Variants in FMNL2 observed in about 807,000 individuals in gnomAD.
FMNL2 encodes the protein formin like 2.
In FMNL2, 51 loss-of-function variants were observed where a neutral mutation model predicts 130.2. The ratio of observed to expected loss-of-function variants is 0.39; its 90% CI spans 0.31 to 0.49. The LOEUF is 0.49. FMNL2 is among the 20% of genes least tolerant of loss of function. The probability of loss-of-function intolerance (pLI) is 0.85; values close to 1 mark genes in which losing one functional copy is unlikely to be tolerated. For missense variants in FMNL2, 977 were observed against 1,316.2 expected, an observed-to-expected ratio of 0.74 and a Z score of 3.99; for synonymous variants, 465 against 467.1, an observed-to-expected ratio of 1.00 and a Z score of 0.06.
At chr2:152,605,313 TGTGTGC>T (rs1341382990) in intron 9 of FMNL2, among the ~76,000 whole-genome samples, 1 of 146,728 alleles carries the variant, frequency 6.8e-6, no homozygotes, top group African/African-American at 2.7e-5. Context: ...TGTGCGTGTG[TGTGTGC>T]GTGTGTGTGT....
At chr2:152,548,908 G>A in intron 3 of FMNL2, 113 bp from the exon 4 acceptor site, 1 of 824,596 alleles carries the variant, frequency 1.2e-6, no homozygotes, top group Non-Finnish European at 1.8e-6. Context: ...AGTGAGGGAA[G>A]CCCATTTTAG....
chr2:152,564,602 G>A lies in FMNL2; in HGVS notation c.596+3567G>A, dbSNP rs995347967. Reference sequence around the variant, plus strand: ...ACAAAAACTAGCTGGGTGTGGTGGTGCACACCTGTAATCACAGCTACTTGA... The same window carrying A: ...ACAAAAACTAGCTGGGTGTGGTGGTACACACCTGTAATCACAGCTACTTGA... On this transcript the variant is annotated intron_variant, in intron 6 of 25. Transcript: ENST00000288670. 3.3e-5 allele frequency among the ~76,000 whole-genome samples: 5 copies of A among 151,874 alleles called. No homozygotes were observed. The East Asian group carries it at 9.7e-4, about 29-fold the overall frequency.
rs112353773 is a variant in FMNL2, at chr2:152,486,819, C to T, written c.118-35124C>T. On this transcript the variant is annotated intron_variant, in intron 1 of 25. Transcript: ENST00000288670. ...ATCAGATTCAGAATAAAAAAGCTAT[C>T]GTAACATGCCCTGCATCAGTAGGCC... 1.4e-3 allele frequency among the ~76,000 whole-genome samples: 209 copies of T among 152,274 alleles called. 1 individual carries two copies. The highest frequency in any genetic ancestry group is 4.7e-3 in the African/African-American group (195 of 41,548).
At chr2:152,455,872 AC>A (rs1233369668) in intron 1 of FMNL2, among the ~76,000 whole-genome samples, 1 of 152,092 alleles carries the variant, frequency 6.6e-6, no homozygotes, top group Non-Finnish European at 1.5e-5. Flanking sequence ...GTGCCACCAC[AC>A]TTGGCTTATT....
chr2:152,356,316 G>T (rs1682776850), intron 1 of FMNL2, among the ~76,000 whole-genome samples: 1 of 151,970 alleles, frequency 6.6e-6, no homozygotes, highest in Non-Finnish European at 1.5e-5. Context: ...TGTAGACAGG[G>T]TTTCACCATG....
At chr2:152,509,769 A>C (rs1291320029) in intron 1 of FMNL2, among the ~76,000 whole-genome samples, 1 of 11,722 alleles carries the variant, frequency 8.5e-5, no homozygotes, top group South Asian at 2.5e-3. Context: ...TTTTTGAGAG[A>C]GGGTCTTCCT....
chr2:152,478,244 ATATATATTT>A (rs1690272065), intron 1 of FMNL2, among the ~76,000 whole-genome samples: 5 of 38,524 alleles, frequency 1.3e-4, no homozygotes, highest in South Asian at 2.2e-3. Context: ...ATATATATAT[ATATATATTT>A]TTTTTTTTTT....
chr2:152,503,040 C>T (rs1471890371), intron 1 of FMNL2, among the ~76,000 whole-genome samples: 3 of 152,134 alleles, frequency 2.0e-5, no homozygotes, highest in Non-Finnish European at 4.4e-5. Context: ...GCACTCTCTG[C>T]AGTCTCAGGT....
At chr2:152,559,824 C>G (rs987718626) in intron 5 of FMNL2, among the ~76,000 whole-genome samples, 36 of 152,168 alleles carry the variant, frequency 2.4e-4, no homozygotes, top group Admixed American at 1.9e-3. Flanking sequence ...TTACCCCATT[C>G]TAACTCTTTT....
intron 9 of FMNL2, among the ~76,000 whole-genome samples, chr2:152,597,308 C>A (rs1416929694): frequency 2.0e-5 from 3 of 152,180 alleles, no homozygotes; most frequent in Non-Finnish European, 4.4e-5. Context: ...GTCAGTCATG[C>A]TTTCAAGTAA....
intron 1 of FMNL2, among the ~76,000 whole-genome samples, chr2:152,400,539 G>T (rs1014824329): frequency 6.6e-6 from 1 of 152,200 alleles, no homozygotes; most frequent in African/African-American, 2.4e-5. Context: ...ATTTTAGGGG[G>T]CAGAAGGAAG....
At position 152,649,275 on chromosome 2, in the gene FMNL2, ACTTCT is replaced by A. The variant is rs1174145111; in HGVS notation, c.*1374_*1378del. ...CGGTGCAGTTTTTTATGGTTTTTAC[ACTTCT>A]CTTTAATTCCCACCTAAGCCTCTGG... On this transcript the variant is annotated 3_prime_UTR_variant, in exon 26 of 26. Transcript: ENST00000288670. The A allele has an allele frequency of 6.6e-5, 10 of 152,552 alleles. No homozygotes were observed. Among genetic ancestry groups the A allele is most frequent in the African/African-American group, 2.2e-4 (9 of 41,418 alleles). The allele number at this position is 152,552 out of a possible 1,614,324, so 9.4% of individuals were successfully genotyped here. A position where few individuals can be genotyped will look rare whatever the true frequency, so the allele number is the denominator to read the frequency against.
chr2:152,392,320 C>G (rs6746190), intron 1 of FMNL2, among the ~76,000 whole-genome samples: 14 of 152,130 alleles, frequency 9.2e-5, no homozygotes, highest in African/African-American at 1.7e-4. Context: ...CTCTCCCCCC[C>G]ACTCATCACA....
In FMNL2 at chr2:152,524,332, A is replaced by G. The variant is rs140413754; in HGVS notation, c.201+2306A>G. ...TTGGTCCTTTCCTGACTCATTGCAT[A>G]AATACAAAGATGACCTGAGCTTCTA... is the stretch of plus-strand genomic sequence containing the variant. On this transcript the variant is annotated intron_variant, in intron 2 of 25. Transcript: ENST00000288670. Among the ~76,000 whole-genome samples the G allele has an allele frequency of 4.6e-3, 699 of 152,314 alleles. 7 individuals carry two copies. Among genetic ancestry groups the G allele is most frequent in the African/African-American group, 0.016 (676 of 41,564 alleles).
intron 21 of FMNL2, among the ~76,000 whole-genome samples, chr2:152,635,015 A>G (rs1290911583): frequency 6.6e-6 from 1 of 152,028 alleles, no homozygotes; most frequent in Non-Finnish European, 1.5e-5. Context: ...TGATTCTCAT[A>G]TAAAATCCAT....
At chr2:152,336,921 G>A (rs1681501988) in intron 1 of FMNL2, among the ~76,000 whole-genome samples, 1 of 152,112 alleles carries the variant, frequency 6.6e-6, no homozygotes, top group Admixed American at 6.5e-5. Flanking sequence ...TAGAACTTTG[G>A]CAGAGGACTC....
intron 1 of FMNL2, among the ~76,000 whole-genome samples, chr2:152,380,047 A>T (rs1379528884): frequency 6.6e-6 from 1 of 152,214 alleles, no homozygotes; most frequent in African/African-American, 2.4e-5. Flanking sequence ...TACTCTTTCA[A>T]CATGGATCTA....
At chr2:152,635,112 A>G (rs1395644985) in intron 21 of FMNL2, among the ~76,000 whole-genome samples, 2 of 152,150 alleles carry the variant, frequency 1.3e-5, no homozygotes, top group East Asian at 1.9e-4. Context: ...GATTTTTTAA[A>G]AAGTTTTCTC....
At chr2:152,449,987 C>G (rs1024284567) in intron 1 of FMNL2, among the ~76,000 whole-genome samples, 1 of 152,158 alleles carries the variant, frequency 6.6e-6, no homozygotes, top group Admixed American at 6.5e-5. Context: ...CTACCTGTTG[C>G]CTCTTCTATA....
Sources: gnomAD v4.1 joint callset for allele counts (sites outside exome capture counted in the v4.1 genomes callset) on GRCh38, gnomAD v4.1.1 for gene constraint, MANE v1.5 for transcripts, NCBI Gene and HGNC (gene_info 2026-07-23, HGNC 2026-07-21) for gene names.